TMEM40: variants seen among roughly 807,000 people sequenced by gnomAD.
The protein encoded by TMEM40 is transmembrane protein 40.
A neutral mutation model predicts 40.8 loss-of-function variants in TMEM40; 34 were observed. The observed-to-expected ratio is 0.83, with a 90% CI of 0.63 to 1.11. TMEM40 has a LOEUF of 1.11. Ranked by LOEUF, TMEM40 falls within the 50% of genes least tolerant of loss-of-function variation. TMEM40 has a pLI of 0.00. For synonymous variants in TMEM40, 106 were observed against 107.0 expected (o/e 0.99, Z 0.06); for missense variants, 296 against 280.2 (o/e 1.06, Z -0.40).
chr3:12,744,107 G>A, intron 3 of TMEM40, 118 bp from the exon 4 acceptor site: 5 of 1,028,272 alleles, frequency 4.9e-6, no homozygotes, highest in Non-Finnish European at 7.1e-6. Context: ...TTTGGTGGGA[G>A]GAACTCTGAT....
chr3:12,767,389 T>C (rs2061598880), intron 1 of TMEM40, among the ~76,000 whole-genome samples: 1 of 152,000 alleles, frequency 6.6e-6, no homozygotes, highest in Non-Finnish European at 1.5e-5. Context: ...GCGGGAGATG[T>C]CCTCTTTCCC....
chr3:12,736,677 T>A, intron 9 of TMEM40, 25 bp from the exon 10 acceptor site: 1 of 1,612,442 alleles, frequency 6.2e-7, no homozygotes, highest in Non-Finnish European at 8.5e-7. Flanking sequence ...AGGGAGGGAA[T>A]GGTCAGCCTC....
intron 1 of TMEM40, among the ~76,000 whole-genome samples, chr3:12,755,545 G>T (rs1011564813): frequency 6.6e-6 from 1 of 152,068 alleles, no homozygotes; most frequent in Non-Finnish European, 1.5e-5. Context: ...AGTGGCAAGG[G>T]TTGGCTTAGA....
chr3:12,763,809 G>A (rs1311146687), upstream of TMEM40, among the ~76,000 whole-genome samples: 1 of 152,218 alleles, frequency 6.6e-6, no homozygotes, highest in East Asian at 1.9e-4. Context: ...GAACTCCCCA[G>A]TGACTTCCTA....
chr3:12,756,935 T>C (rs1197183570), intron 1 of TMEM40, among the ~76,000 whole-genome samples: 1 of 151,978 alleles, frequency 6.6e-6, no homozygotes, highest in Admixed American at 6.6e-5. Flanking sequence ...GCACAAGAGC[T>C]TGTCAGTTCT....
intron 1 of TMEM40, among the ~76,000 whole-genome samples, chr3:12,765,132 C>T (rs2061588165): frequency 1.3e-5 from 2 of 152,110 alleles, no homozygotes; most frequent in Admixed American, 1.3e-4. Flanking sequence ...GCTGGGATTA[C>T]AGGCATGAGC....
In TMEM40 at chr3:12,747,195, T is replaced by A. The variant is rs115678327; in HGVS notation, c.211+1460A>T. Among the ~76,000 whole-genome samples, 299 of 152,058 alleles carry A rather than the reference T, an allele frequency of 2.0e-3. 2 individuals carry two copies. The highest frequency in any genetic ancestry group is 6.8e-3 in the African/African-American group (282 of 41,500). Reference sequence around the variant, plus strand: ...GGACATAAGACCAGAGCTTTTTTTTTTTTTTCCTTCCAGCCCAGAGACCTT... The same window carrying A: ...GGACATAAGACCAGAGCTTTTTTTTATTTTTCCTTCCAGCCCAGAGACCTT... On this transcript the variant is annotated intron_variant, in intron 3 of 11. Transcript: ENST00000314124.
At chr3:12,754,415 A>T (rs901176150) in intron 1 of TMEM40, among the ~76,000 whole-genome samples, 1 of 152,248 alleles carries the variant, frequency 6.6e-6, no homozygotes, top group Non-Finnish European at 1.5e-5. Context: ...CTAAGATTTT[A>T]AAAAGATAAT....
At chr3:12,764,238 G>C (rs896187051), upstream of TMEM40, among the ~76,000 whole-genome samples, 34 of 152,314 alleles carry the variant, frequency 2.2e-4, no homozygotes, top group African/African-American at 8.2e-4. Flanking sequence ...TCACCAGAAA[G>C]ATGTCTGTGA....
At chr3:12,738,292 G>T in intron 6 of TMEM40, 124 bp from the exon 7 acceptor site, 2 of 1,147,606 alleles carry the variant, frequency 1.7e-6, no homozygotes, top group East Asian at 2.5e-5. Context: ...CAGCCCCCAC[G>T]GTATCCTTCT....
rs770995861 is a variant in TMEM40 at position 12,736,629 on chromosome 3, C to T, written c.568G>A (p.Gly190Ser). Residue 190 changes from glycine to serine, a missense_variant, in exon 10 of 12, where the codon GGC becomes AGC. Coordinates refer to ENST00000314124, the MANE Select transcript of TMEM40 (RefSeq NM_018306.4). ...TCCAGGGAGGCGAAGGTGAGCAGGC[C>T]GACCCCAAGAGACATGAACCAGTCT... ...YADWFMSLGV[G>S]LLTFASLETV... 8 of 1,586,122 alleles carry T rather than the reference C, an allele frequency of 5.0e-6. No individual in the cohort carries two copies. Among genetic ancestry groups the T allele is most frequent in the Admixed American group, 1.8e-5 (1 of 54,156 alleles).
chr3:12,737,037 C>T (rs1359338739), intron 8 of TMEM40, among the ~76,000 whole-genome samples: 1 of 152,070 alleles, frequency 6.6e-6, no homozygotes, highest in Non-Finnish European at 1.5e-5. Flanking sequence ...TGCCACCACA[C>T]CCAGCAAATT....
chr3:12,735,291 C>A, intron 11 of TMEM40, among the ~76,000 whole-genome samples: 1 of 152,246 alleles, frequency 6.6e-6, no homozygotes. Context: ...TACTGTTTCA[C>A]ACTTCAGGCC....
intron 3 of TMEM40, among the ~76,000 whole-genome samples, chr3:12,746,671 G>C (rs945284584): frequency 2.0e-5 from 3 of 152,172 alleles, no homozygotes; most frequent in African/African-American, 7.2e-5. Context: ...GTCACCGTAG[G>C]ATCAGGGACC....
chr3:12,755,239 CTTTCTTTCTTTCTT>C (rs1559533413), intron 1 of TMEM40, among the ~76,000 whole-genome samples: 7 of 88,860 alleles, frequency 7.9e-5, no homozygotes, highest in African/African-American at 3.7e-4. Context: ...CTCTCTCTTT[CTTTCTTTCTTTCTT>C]TCTTTCTTTC....
intron 1 of TMEM40, among the ~76,000 whole-genome samples, chr3:12,755,229 C>T (rs796446930): frequency 0.13 from 8,682 of 64,560 alleles, 543 homozygotes; most frequent in African/African-American, 0.29. Flanking sequence ...CTCTCTCTCT[C>T]TCTCTCTTTC....
chr3:12,761,174 C>A (rs934087033), upstream of TMEM40, among the ~76,000 whole-genome samples: 2 of 152,178 alleles, frequency 1.3e-5, no homozygotes, highest in African/African-American at 4.8e-5. Flanking sequence ...TGCAAATAAT[C>A]CTGAACAGCC....
intron 1 of TMEM40, among the ~76,000 whole-genome samples, chr3:12,758,491 G>A (rs1015487488): frequency 1.3e-5 from 2 of 152,174 alleles, no homozygotes; most frequent in Admixed American, 6.5e-5. Context: ...GCCTACGGGG[G>A]TGGGTGGGGG....
intron 1 of TMEM40, among the ~76,000 whole-genome samples, chr3:12,757,550 A>G (rs894981697): frequency 7.2e-5 from 11 of 152,082 alleles, no homozygotes; most frequent in Non-Finnish European, 1.0e-4. Context: ...ATACCCCTTC[A>G]CACCCACTAG....
Sources: allele counts gnomAD v4.1 joint callset (sites outside exome capture counted in the v4.1 genomes callset), GRCh38; gene constraint gnomAD v4.1.1; transcripts MANE v1.5; gene names NCBI Gene and HGNC (gene_info 2026-07-23, HGNC 2026-07-21).